The following NKAIN2 variants were observed in gnomAD, a reference collection of about 807,000 sequenced individuals.
NKAIN2 encodes sodium/potassium transporting ATPase interacting 2, also known as sodium/potassium-transporting ATPase subunit beta-1-interacting protein 2.
A neutral mutation model predicts 32.6 loss-of-function variants in NKAIN2; 14 were observed. That is an observed-to-expected ratio of 0.43 (90% confidence interval 0.28 to 0.67). The LOEUF (loss-of-function observed/expected upper bound fraction) is 0.67. Ranked by LOEUF, NKAIN2 falls within the 30% of genes least tolerant of loss-of-function variation. NKAIN2 has a pLI of 0.17. For synonymous variants in NKAIN2, 80 were observed against 87.2 expected (o/e 0.92, Z 0.46); for missense variants, 198 against 258.3 (o/e 0.77, Z 1.60).
intron 3 of NKAIN2, among the ~76,000 whole-genome samples, chr6:124,547,467 C>G (rs555300932): frequency 6.6e-6 from 1 of 152,248 alleles, no homozygotes; most frequent in East Asian, 1.9e-4. Context: ...CAAGACTTGA[C>G]CATTCAATTA....
chr6:124,290,191 A>T, intron 2 of NKAIN2, among the ~76,000 whole-genome samples: 1 of 152,182 alleles, frequency 6.6e-6, no homozygotes, highest in East Asian at 1.9e-4. Flanking sequence ...TTATTCTACA[A>T]GAAGATACTT....
chr6:124,597,382 T>C (rs1394036285), intron 3 of NKAIN2, among the ~76,000 whole-genome samples: 5 of 151,274 alleles, frequency 3.3e-5, no homozygotes, highest in African/African-American at 1.2e-4. Flanking sequence ...ATTAATATAC[T>C]AATATAAAGT....
intron 1 of NKAIN2, among the ~76,000 whole-genome samples, chr6:123,965,689 T>C (rs896818066): frequency 1.3e-5 from 2 of 152,166 alleles, no homozygotes; most frequent in African/African-American, 4.8e-5. Context: ...TATCCCCTTA[T>C]CCCTATCAGA....
intron 3 of NKAIN2, among the ~76,000 whole-genome samples, chr6:124,372,423 T>G (rs930345606): frequency 1.6e-4 from 24 of 152,224 alleles, no homozygotes; most frequent in Admixed American, 9.2e-4. Context: ...GTCCACTCAC[T>G]TGAGCAGGCT....
intron 1 of NKAIN2, among the ~76,000 whole-genome samples, chr6:124,119,727 G>A (rs1172976503): frequency 6.6e-6 from 1 of 152,178 alleles, no homozygotes; most frequent in African/African-American, 2.4e-5. Context: ...TGGGCCTGCT[G>A]CATTGAATTA....
chr6:124,410,102 T>C (rs1163928437), intron 3 of NKAIN2, among the ~76,000 whole-genome samples: 3 of 152,190 alleles, frequency 2.0e-5, no homozygotes, highest in Non-Finnish European at 4.4e-5. Context: ...TTATTAGTCT[T>C]GCTAGTGGTC....
At chr6:124,058,489 A>G (rs970752260) in intron 1 of NKAIN2, among the ~76,000 whole-genome samples, 4 of 152,070 alleles carry the variant, frequency 2.6e-5, no homozygotes, top group African/African-American at 9.7e-5. Flanking sequence ...AGAGTTCCGT[A>G]TGCCTCTGTT....
At chr6:124,260,216 G>A (rs1368543754) in intron 1 of NKAIN2, among the ~76,000 whole-genome samples, 1 of 152,174 alleles carries the variant, frequency 6.6e-6, no homozygotes, top group Non-Finnish European at 1.5e-5. Context: ...GTATATGTTT[G>A]TAAGCCATAG....
intron 1 of NKAIN2, among the ~76,000 whole-genome samples, chr6:124,138,076 T>C (rs1189305697): frequency 2.0e-5 from 3 of 151,012 alleles, no homozygotes; most frequent in African/African-American, 7.3e-5. Flanking sequence ...ACCCACAGAG[T>C]AGGAGAAAAT....
intron 3 of NKAIN2, among the ~76,000 whole-genome samples, chr6:124,570,931 C>T (rs867892531): frequency 1.2e-4 from 18 of 152,146 alleles, no homozygotes; most frequent in African/African-American, 4.1e-4. Context: ...GGATGTTATA[C>T]CCTGCAAAGC....
chr6:124,287,759 C>T (rs952437337), intron 2 of NKAIN2, among the ~76,000 whole-genome samples: 2 of 152,058 alleles, frequency 1.3e-5, no homozygotes, highest in African/African-American at 4.8e-5. Context: ...AGAATGTGAT[C>T]TGAGATATCC....
chr6:123,960,873 T>C (rs1310075037), intron 1 of NKAIN2, among the ~76,000 whole-genome samples: 1 of 151,958 alleles, frequency 6.6e-6, no homozygotes, highest in African/African-American at 2.4e-5. Flanking sequence ...CACTTGTTAC[T>C]TTTTTTCGGG....
At chr6:124,117,549 C>A (rs1785672866) in intron 1 of NKAIN2, among the ~76,000 whole-genome samples, 1 of 152,074 alleles carries the variant, frequency 6.6e-6, no homozygotes, top group Non-Finnish European at 1.5e-5. Context: ...ACCATTAAGG[C>A]ATATACTCTG....
intron 1 of NKAIN2, among the ~76,000 whole-genome samples, chr6:123,909,409 C>A (rs1049430216): frequency 6.6e-6 from 1 of 152,062 alleles, no homozygotes; most frequent in Non-Finnish European, 1.5e-5. Flanking sequence ...CAGGAAAAAA[C>A]GAATATCCTT....
At chr6:124,618,203 C>T (rs181233228) in intron 3 of NKAIN2, among the ~76,000 whole-genome samples, 4 of 152,224 alleles carry the variant, frequency 2.6e-5, no homozygotes, top group Admixed American at 2.6e-4. Flanking sequence ...TCTGGCTGGG[C>T]GTGGTGGCTC....
chr6:124,399,388 T>A (rs1468925842), intron 3 of NKAIN2, among the ~76,000 whole-genome samples: 2 of 152,200 alleles, frequency 1.3e-5, no homozygotes, highest in Admixed American at 6.5e-5. Context: ...TGGTTCTTCT[T>A]CACTAGATTA....
At position 124,715,966 on chromosome 6, in the gene NKAIN2, G is replaced by A. The variant is rs75410220; in HGVS notation, c.474+57580G>A. 9.2e-3 allele frequency among the ~76,000 whole-genome samples: 1,407 copies of A among 152,226 alleles called. 16 individuals are homozygous for A. Among genetic ancestry groups the A allele is most frequent in the African/African-American group, 0.033 (1,360 of 41,548 alleles). On this transcript the variant is annotated intron_variant, in intron 4 of 6. Coordinates refer to ENST00000368417, the MANE Select transcript of NKAIN2 (RefSeq NM_001040214.3). Reference sequence around the variant, plus strand: ...GAACAATGTCTCAAAGTAAAGCCCCGTGTTTGGGCTGTTCTTTGGTATTTT... The same window carrying A: ...GAACAATGTCTCAAAGTAAAGCCCCATGTTTGGGCTGTTCTTTGGTATTTT...
intron 3 of NKAIN2, among the ~76,000 whole-genome samples, chr6:124,575,367 T>C (rs977451154): frequency 1.3e-5 from 2 of 152,224 alleles, no homozygotes; most frequent in Admixed American, 6.5e-5. Context: ...CAGACTGTCT[T>C]CTCTTTTATA....
chr6:124,458,486 T>C (rs1479350846), intron 3 of NKAIN2, among the ~76,000 whole-genome samples: 1 of 151,922 alleles, frequency 6.6e-6, no homozygotes, highest in Non-Finnish European at 1.5e-5. Flanking sequence ...TATCATTAAC[T>C]GGAAATAAAA....
Sources: allele counts gnomAD v4.1 joint callset (sites outside exome capture counted in the v4.1 genomes callset), GRCh38; gene constraint gnomAD v4.1.1; transcripts MANE v1.5; gene names NCBI Gene and HGNC (gene_info 2026-07-23, HGNC 2026-07-21).